Variants in ANGPT1 observed in about 807,000 individuals in gnomAD.
The protein encoded by ANGPT1 is angiopoietin 1.
A neutral mutation model predicts 62.2 loss-of-function variants in ANGPT1; 17 were observed. The ratio of observed to expected loss-of-function variants is 0.27; its 90% CI spans 0.19 to 0.41. ANGPT1 has a LOEUF of 0.41. ANGPT1 is among the 10% of genes least tolerant of loss of function. ANGPT1 has a pLI of 1.00. For synonymous variants in ANGPT1, 199 were observed against 198.9 expected (o/e 1.00, Z 0.00); for missense variants, 478 against 594.9 (o/e 0.80, Z 2.04).
At chr8:107,485,522 A>G (rs767789392) in intron 1 of ANGPT1, among the ~76,000 whole-genome samples, 2 of 152,208 alleles carry the variant, frequency 1.3e-5, no homozygotes, top group Non-Finnish European at 2.9e-5. Flanking sequence ...AAGATCAGAC[A>G]AAACGAGAGG....
rs577393246 is a variant in ANGPT1 at position 107,395,257 on chromosome 8, C to T, written c.298-48160G>A. Among the ~76,000 whole-genome samples the T allele has an allele frequency of 9.2e-5, 14 of 152,246 alleles. No individual in the cohort carries two copies. In the South Asian group the frequency reaches 2.9e-3, roughly 32 times the overall value. ...CTGGACTCCATGACCTCTATGATTT[C>T]TTCCATTTCTATGGTTTTTAAAACA... On this transcript the variant is annotated intron_variant, in intron 1 of 8. Coordinates refer to ENST00000517746, the MANE Select transcript of ANGPT1 (RefSeq NM_001146.5).
At chr8:107,334,468 T>C (rs1479372283) in intron 3 of ANGPT1, among the ~76,000 whole-genome samples, 1 of 152,156 alleles carries the variant, frequency 6.6e-6, no homozygotes, top group Non-Finnish European at 1.5e-5. Context: ...TATTTATATA[T>C]AAAATGCAGC....
At chr8:107,353,707 T>C (rs962391150) in intron 1 of ANGPT1, among the ~76,000 whole-genome samples, 4 of 152,202 alleles carry the variant, frequency 2.6e-5, no homozygotes, top group African/African-American at 9.6e-5. Context: ...CAGTTCAGTT[T>C]AGTCTTAGCA....
At chr8:107,435,955 T>G (rs1421335817) in intron 1 of ANGPT1, among the ~76,000 whole-genome samples, 1 of 152,188 alleles carries the variant, frequency 6.6e-6, no homozygotes, top group Non-Finnish European at 1.5e-5. Context: ...CAGGCTAGAG[T>G]GCAGTGGCCT....
intron 2 of ANGPT1, among the ~76,000 whole-genome samples, chr8:107,342,782 TACACACACACACACACACACAC>T (rs751210643): frequency 1.4e-4 from 20 of 138,556 alleles, no homozygotes; most frequent in African/African-American, 1.1e-4. Context: ...AACTGCCTAA[TACACACACACACACACACACAC>T]ACACACACAC....
intron 5 of ANGPT1, among the ~76,000 whole-genome samples, chr8:107,299,163 G>C (rs934575702): frequency 6.6e-6 from 1 of 151,024 alleles, no homozygotes; most frequent in Non-Finnish European, 1.5e-5. Flanking sequence ...TGGGGCAACA[G>C]GTTCATATTT....
intron 7 of ANGPT1, 51 bp downstream of exon 7, chr8:107,284,631 T>C (rs1201130388): frequency 2.3e-6 from 3 of 1,326,712 alleles, no homozygotes; most frequent in African/African-American, 3.0e-5. Context: ...ACTACAATTA[T>C]TAAGTGGCTA....
chr8:107,283,701 G>C (rs1389363774), intron 7 of ANGPT1, among the ~76,000 whole-genome samples: 1 of 152,148 alleles, frequency 6.6e-6, no homozygotes, highest in Non-Finnish European at 1.5e-5. Flanking sequence ...TTTCAAGACA[G>C]AGGTAGAGCA....
intron 3 of ANGPT1, among the ~76,000 whole-genome samples, chr8:107,326,072 T>C (rs1815281288): frequency 6.6e-6 from 1 of 152,160 alleles, no homozygotes; most frequent in African/African-American, 2.4e-5. Flanking sequence ...ATTTTCATAA[T>C]TCATCAGACA....
chr8:107,448,668 T>C (rs1586331052), intron 1 of ANGPT1, among the ~76,000 whole-genome samples: 3 of 152,110 alleles, frequency 2.0e-5, no homozygotes, highest in African/African-American at 7.2e-5. Context: ...TTATTTTAGG[T>C]ATGGCTAGGT....
At chr8:107,376,887 A>C (rs1354371030) in intron 1 of ANGPT1, among the ~76,000 whole-genome samples, 1 of 152,146 alleles carries the variant, frequency 6.6e-6, no homozygotes, top group Non-Finnish European at 1.5e-5. Context: ...ATGATTTTTG[A>C]ACTTAGAGTT....
chr8:107,414,883 A>T (rs1810695935), intron 1 of ANGPT1, among the ~76,000 whole-genome samples: 1 of 152,208 alleles, frequency 6.6e-6, no homozygotes, highest in African/African-American at 2.4e-5. Flanking sequence ...AAAGTATGAC[A>T]TCACTTTCCA....
intron 1 of ANGPT1, among the ~76,000 whole-genome samples, chr8:107,412,054 T>C (rs1012265467): frequency 1.3e-5 from 2 of 152,176 alleles, no homozygotes; most frequent in Admixed American, 1.3e-4. Context: ...AGCTGCATCA[T>C]CTTGGCCTTG....
chr8:107,318,508 G>A (rs1057158642), intron 4 of ANGPT1, among the ~76,000 whole-genome samples: 25 of 152,068 alleles, frequency 1.6e-4, no homozygotes, highest in Admixed American at 1.6e-3. Flanking sequence ...TAACTTTAAT[G>A]CATTATAGGC....
At chr8:107,374,017 A>T (rs1420089548) in intron 1 of ANGPT1, among the ~76,000 whole-genome samples, 1 of 152,194 alleles carries the variant, frequency 6.6e-6, no homozygotes, top group Non-Finnish European at 1.5e-5. Context: ...ACTTAGCACC[A>T]CTTCAATTTG....
At position 107,251,872 on chromosome 8, in the gene ANGPT1, G is replaced by A. The variant is rs144684252; in HGVS notation, c.1480C>T (p.Arg494Ter). ...YSLRSTTMMIRPLDF is the reference protein window; with the variant it reads ...YSLRSTTMMI ...TTGCGCTTTCAAAAATCTAAAGGTC[G>A]AATCATCATAGTTGTGGAACGTAAG... The change falls in exon 9 of 9, where the codon CGA becomes TGA. Residue 494 changes from arginine to a stop codon, truncating the protein, a stop_gained. Coordinates refer to ENST00000517746, the MANE Select transcript of ANGPT1 (RefSeq NM_001146.5). LOFTEE classifies it high-confidence loss of function. 1 of 1,613,780 alleles carries A rather than the reference G, an allele frequency of 6.2e-7. No individual in the cohort carries two copies. Among genetic ancestry groups the A allele is most frequent in the Non-Finnish European group, 8.5e-7 (1 of 1,179,814 alleles).
At chr8:107,484,930 A>T (rs926110260) in intron 1 of ANGPT1, among the ~76,000 whole-genome samples, 16 of 152,186 alleles carry the variant, frequency 1.1e-4, no homozygotes, top group African/African-American at 3.6e-4. Flanking sequence ...ATTGTCAGCT[A>T]TCTCCTGAGA....
rs545294636 is a variant in ANGPT1 at position 107,289,170 on chromosome 8, T to C, written c.1039-4322A>G. On this transcript the variant is annotated intron_variant, in intron 6 of 8. Transcript: ENST00000517746. ...TTTTATTTCTTCTCTAACGCTCTAA[T>C]AAAAGGATAAAAAGACACTGAAATT... is the stretch of plus-strand genomic sequence containing the variant. Among the ~76,000 whole-genome samples the C allele has an allele frequency of 3.9e-5, 6 of 152,216 alleles. No homozygotes were observed. The South Asian group carries it at 1.2e-3, about 32-fold the overall frequency.
intron 1 of ANGPT1, among the ~76,000 whole-genome samples, chr8:107,436,909 A>G (rs1811349493): frequency 6.6e-6 from 1 of 152,238 alleles, no homozygotes; most frequent in Non-Finnish European, 1.5e-5. Flanking sequence ...AAATTACAAG[A>G]AATATAAAAT....
Sources: gnomAD v4.1 joint callset for allele counts (sites outside exome capture counted in the v4.1 genomes callset) on GRCh38, gnomAD v4.1.1 for gene constraint, MANE v1.5 for transcripts, NCBI Gene and HGNC (gene_info 2026-07-23, HGNC 2026-07-21) for gene names.